The following PLXDC2 variants were observed in gnomAD, a reference collection of about 807,000 sequenced individuals.
PLXDC2 encodes the protein plexin domain containing 2, also known as plexin domain-containing protein 2.
A neutral mutation model predicts 68.9 loss-of-function variants in PLXDC2; 40 were observed. That is an observed-to-expected ratio of 0.58 (90% CI 0.45 to 0.76). PLXDC2 has a LOEUF of 0.76. Ranked by LOEUF, PLXDC2 falls within the 30% of genes least tolerant of loss-of-function variation. The probability of loss-of-function intolerance (pLI) is 0.00; values close to 1 mark genes in which losing one functional copy is unlikely to be tolerated. For missense variants in PLXDC2, 644 were observed against 661.9 expected (o/e 0.97, Z 0.30); for synonymous variants, 243 against 234.2 (o/e 1.04, Z -0.34).
chr10:20,145,606 C>T (rs1398755923), intron 5 of PLXDC2, among the ~76,000 whole-genome samples: 2 of 152,144 alleles, frequency 1.3e-5, no homozygotes, highest in African/African-American at 4.8e-5. Context: ...CTGGACTGCA[C>T]TGGCATGATC....
intron 6 of PLXDC2, among the ~76,000 whole-genome samples, chr10:20,148,999 G>C (rs1412406846): frequency 6.6e-6 from 1 of 151,790 alleles, no homozygotes; most frequent in Non-Finnish European, 1.5e-5. Context: ...CATTTACTTG[G>C]GGGCAATTGT....
intron 7 of PLXDC2, among the ~76,000 whole-genome samples, chr10:20,174,939 C>T (rs1834506434): frequency 1.3e-5 from 2 of 151,998 alleles, no homozygotes; most frequent in South Asian, 4.1e-4. Flanking sequence ...ATCTGGGCCA[C>T]CACACTCCCT....
At chr10:19,927,556 G>A (rs1483578995) in intron 1 of PLXDC2, among the ~76,000 whole-genome samples, 2 of 151,608 alleles carry the variant, frequency 1.3e-5, no homozygotes, top group Admixed American at 6.6e-5. Context: ...ACAAAAATTA[G>A]CTGGGCGTGG....
At chr10:20,164,316 G>T (rs1365669772) in intron 6 of PLXDC2, 152 bp from the exon 7 acceptor site, 3 of 650,356 alleles carry the variant, frequency 4.6e-6, no homozygotes, top group East Asian at 2.8e-5. Context: ...TTTTGGTTTC[G>T]TATGTCTCTC....
chr10:19,961,076 T>G (rs1834147646), intron 1 of PLXDC2, among the ~76,000 whole-genome samples: 2 of 152,236 alleles, frequency 1.3e-5, no homozygotes, highest in Non-Finnish European at 2.9e-5. Flanking sequence ...AGCAGGATGC[T>G]TCCTGTGTGT....
intron 7 of PLXDC2, among the ~76,000 whole-genome samples, chr10:20,172,514 C>A (rs1223072718): frequency 6.6e-6 from 1 of 152,084 alleles, no homozygotes; most frequent in Non-Finnish European, 1.5e-5. Flanking sequence ...ATGCATAATA[C>A]TTTACATATG....
chr10:20,279,559 T>C, intron 13 of PLXDC2, 144 bp from the exon 14 acceptor site: 1 of 677,188 alleles, frequency 1.5e-6, no homozygotes, highest in South Asian at 1.9e-5. Flanking sequence ...GGGGAATTCT[T>C]AATTCTGACT....
chr10:20,198,976 A>G (rs1834881478), intron 9 of PLXDC2, among the ~76,000 whole-genome samples: 1 of 152,062 alleles, frequency 6.6e-6, no homozygotes, highest in Admixed American at 6.6e-5. Context: ...CTTTCACCAT[A>G]ATGTATGAGG....
chr10:19,991,606 G>A (rs369580820), intron 1 of PLXDC2, among the ~76,000 whole-genome samples: 14 of 152,078 alleles, frequency 9.2e-5, no homozygotes, highest in East Asian at 3.9e-4. Flanking sequence ...ATTGGCTGTC[G>A]TCTCTGGTCG....
At chr10:19,998,812 A>G (rs200561305) in intron 1 of PLXDC2, among the ~76,000 whole-genome samples, 1 of 18,214 alleles carries the variant, frequency 5.5e-5, no homozygotes, top group Non-Finnish European at 8.4e-5. Flanking sequence ...ACAGTGGGGG[A>G]AAAAAAAAAT....
At chr10:20,038,289 A>T (rs1835617006) in intron 2 of PLXDC2, among the ~76,000 whole-genome samples, 1 of 152,052 alleles carries the variant, frequency 6.6e-6, no homozygotes, top group South Asian at 2.1e-4. Flanking sequence ...CATACCTAGA[A>T]AAGTCATACA....
At chr10:19,868,257 CCT>C (rs1395205267) in intron 1 of PLXDC2, among the ~76,000 whole-genome samples, 1 of 151,840 alleles carries the variant, frequency 6.6e-6, no homozygotes. Context: ...TTTTTTTGAT[CCT>C]CTCTCTCCTC....
intron 9 of PLXDC2, among the ~76,000 whole-genome samples, chr10:20,196,450 A>T (rs1834838725): frequency 6.6e-6 from 1 of 152,238 alleles, no homozygotes. Flanking sequence ...ACATTTGTTG[A>T]GCACCTTCTA....
At chr10:19,939,517 G>C (rs1043813826) in intron 1 of PLXDC2, among the ~76,000 whole-genome samples, 3 of 152,134 alleles carry the variant, frequency 2.0e-5, no homozygotes, top group African/African-American at 7.2e-5. Context: ...AAAGAGAACT[G>C]TATAGCAGCT....
chr10:20,119,666 G>A (rs985229832), intron 4 of PLXDC2, among the ~76,000 whole-genome samples: 28 of 152,114 alleles, frequency 1.8e-4, no homozygotes, highest in Non-Finnish European at 1.8e-4. Flanking sequence ...TTGGGACAGC[G>A]AAAATTTTGG....
chr10:20,187,987 T>C (rs1465408463), intron 9 of PLXDC2, among the ~76,000 whole-genome samples: 1 of 151,888 alleles, frequency 6.6e-6, no homozygotes, highest in African/African-American at 2.4e-5. Context: ...AAAGTTCTTT[T>C]TATATTCAAT....
chr10:20,102,210 T>C (rs1833432781), intron 4 of PLXDC2, among the ~76,000 whole-genome samples: 1 of 152,238 alleles, frequency 6.6e-6, no homozygotes, highest in Non-Finnish European at 1.5e-5. Context: ...AAGTTTTCTG[T>C]CTGCTGTAAT....
Position 20,048,339 on chromosome 10 carries a change from G to A in PLXDC2, c.471+1324G>A, listed in dbSNP as rs532775590. On this transcript the variant is annotated intron_variant, in intron 3 of 13. Coordinates refer to ENST00000377252, the MANE Select transcript of PLXDC2 (RefSeq NM_032812.9). ...TTTCTGCGTCTGAGAAGCAAATGAA[G>A]TAGCTGCCTTTCCTTGCTAAATTCC... is the stretch of plus-strand genomic sequence containing the variant. Among the ~76,000 whole-genome samples, 66 of 152,194 alleles carry A rather than the reference G, an allele frequency of 4.3e-4. 1 individual carries two copies. Among genetic ancestry groups the A allele is most frequent in the Admixed American group, 2.0e-3 (31 of 15,254 alleles).
intron 13 of PLXDC2, among the ~76,000 whole-genome samples, chr10:20,251,945 T>TA (rs200330364): frequency 0.25 from 36,737 of 146,448 alleles, 4,567 homozygotes; most frequent in African/African-American, 0.31. Context: ...ATTGGAGGGT[T>TA]AAAAAAAAAA....
Sources: gnomAD v4.1 joint callset for allele counts (sites outside exome capture counted in the v4.1 genomes callset) on GRCh38, gnomAD v4.1.1 for gene constraint, MANE v1.5 for transcripts, NCBI Gene and HGNC (gene_info 2026-07-23, HGNC 2026-07-21) for gene names.